PRORP: variants seen among roughly 807,000 people sequenced by gnomAD.
PRORP encodes the protein mitochondrial ribonuclease P catalytic subunit.
Under a neutral mutation model 59.4 loss-of-function variants are expected in PRORP, and 51 were observed. The ratio of observed to expected loss-of-function variants is 0.86; its 90% CI spans 0.69 to 1.08. PRORP has a LOEUF of 1.08. Among genes scored for constraint, PRORP ranks in the 50% least tolerant of loss-of-function variants. PRORP has a pLI of 0.00. For missense variants in PRORP, 646 were observed against 690.3 expected, an observed-to-expected ratio of 0.94 and a Z score of 0.72; for synonymous variants, 231 against 245.6, an observed-to-expected ratio of 0.94 and a Z score of 0.55.
intron 5 of PRORP, chr14:35,235,197 C>A: frequency 1.4e-6 from 1 of 692,540 alleles, no homozygotes; most frequent in Non-Finnish European, 2.6e-6. Context: ...GTGGAAAGTT[C>A]TTTAGCCTTT....
chr14:35,219,554 C>G (rs1190870361), intron 5 of PRORP, among the ~76,000 whole-genome samples: 1 of 152,186 alleles, frequency 6.6e-6, no homozygotes, highest in Admixed American at 6.5e-5. Flanking sequence ...CATACCTTGC[C>G]CCTTACCTGC....
intron 5 of PRORP, among the ~76,000 whole-genome samples, chr14:35,211,769 C>T (rs1325499105): frequency 6.6e-6 from 1 of 152,120 alleles, no homozygotes; most frequent in East Asian, 1.9e-4. Flanking sequence ...TTGATGGCTG[C>T]TGATAGGGTG....
At chr14:35,179,507 C>A (rs1595251742) in intron 4 of PRORP, among the ~76,000 whole-genome samples, 1 of 152,278 alleles carries the variant, frequency 6.6e-6, no homozygotes, top group Non-Finnish European at 1.5e-5. Context: ...ATCACTGATA[C>A]CCTTTCTTCC....
chr14:35,271,993 T>C (rs191702046), intron 7 of PRORP, among the ~76,000 whole-genome samples: 9 of 150,810 alleles, frequency 6.0e-5, no homozygotes, highest in Middle Eastern at 3.4e-3. Flanking sequence ...GCCACTGCTA[T>C]CCAGCCTGGG....
At chr14:35,158,270 A>C (rs2047968754) in intron 4 of PRORP, 1 of 240,728 alleles carries the variant, frequency 4.2e-6, no homozygotes, top group African/African-American at 2.3e-5. Flanking sequence ...TTCTCCTTTC[A>C]TAGTGGGCAT....
rs8009666 is a variant in PRORP, at chr14:35,274,390, C to T, written c.*824C>T. 21,811 of 150,766 alleles carry T rather than the reference C, an allele frequency of 0.14. 2,956 individuals are homozygous for T. The highest frequency in any genetic ancestry group is 0.35 in the African/African-American group (14,242 of 40,852). 9.3% of individuals were successfully genotyped at this position (150,766 alleles called of 1,614,324 possible). Reference sequence around the variant, plus strand: ...CTAGTCTCCAACCCCTGGCCTCAGTCGATCCCCAGCAATTTGGGAGATTGA... The same window carrying T: ...CTAGTCTCCAACCCCTGGCCTCAGTTGATCCCCAGCAATTTGGGAGATTGA... On this transcript the variant is annotated 3_prime_UTR_variant, in exon 8 of 8. Transcript: ENST00000534898.
At chr14:35,189,944 A>C (rs140775079) in intron 5 of PRORP, among the ~76,000 whole-genome samples, 64 of 151,508 alleles carry the variant, frequency 4.2e-4, no homozygotes, top group African/African-American at 1.4e-3. Flanking sequence ...CCCTGTCTCT[A>C]CTAAAAATAC....
At chr14:35,252,559 A>G (rs2050641298) in intron 5 of PRORP, among the ~76,000 whole-genome samples, 1 of 152,182 alleles carries the variant, frequency 6.6e-6, no homozygotes, top group South Asian at 2.1e-4. Context: ...CACTGGGCCA[A>G]CTGCTGCTGC....
chr14:35,129,042 C>CAG (rs1313511189), intron 4 of PRORP, among the ~76,000 whole-genome samples: 198 of 116,706 alleles, frequency 1.7e-3, no homozygotes, highest in African/African-American at 5.9e-3. Flanking sequence ...ACTAAAAATA[C>CAG]AAAAAAAAAA....
intron 5 of PRORP, among the ~76,000 whole-genome samples, chr14:35,188,375 G>T (rs2048795711): frequency 6.6e-6 from 1 of 151,052 alleles, no homozygotes; most frequent in African/African-American, 2.4e-5. Flanking sequence ...ATTTTTGGTA[G>T]AGATGGGGTT....
Position 35,135,635 on chromosome 14 carries a change from A to C in PRORP, c.1167+8024A>C, listed in dbSNP as rs187167379. Among the ~76,000 whole-genome samples, 290 of 152,256 alleles carry C rather than the reference A, an allele frequency of 1.9e-3. 1 individual carries two copies. Among genetic ancestry groups the C allele is most frequent in the Middle Eastern group, 0.01 (3 of 294 alleles). On this transcript the variant is annotated intron_variant, in intron 4 of 7. Coordinates refer to ENST00000534898, the MANE Select transcript of PRORP (RefSeq NM_014672.4). Reference sequence around the variant, plus strand: ...GATAATGAGCAGCTATTATTAAGAAACATTGTCATAGGTTCTGGGGAGCCA... The same window carrying C: ...GATAATGAGCAGCTATTATTAAGAACCATTGTCATAGGTTCTGGGGAGCCA...
At chr14:35,158,340 A>G in intron 4 of PRORP, 1 of 293,784 alleles carries the variant, frequency 3.4e-6, no homozygotes, top group South Asian at 5.6e-5. Context: ...GAATTGTAAA[A>G]ACAATGTTCA....
intron 5 of PRORP, among the ~76,000 whole-genome samples, chr14:35,246,348 T>A (rs1449103678): frequency 6.6e-6 from 1 of 152,186 alleles, no homozygotes; most frequent in East Asian, 1.9e-4. Context: ...GACTTCTATC[T>A]CCTACCCCAG....
chr14:35,208,305 G>A (rs2049347345), intron 5 of PRORP, among the ~76,000 whole-genome samples: 1 of 152,136 alleles, frequency 6.6e-6, no homozygotes, highest in Non-Finnish European at 1.5e-5. Context: ...GCTGGGCATA[G>A]TGGTGAGCGC....
chr14:35,262,817 A>G, intron 5 of PRORP: 2 of 1,445,794 alleles, frequency 1.4e-6, no homozygotes, highest in Non-Finnish European at 1.9e-6. Context: ...TCTTGGGTGA[A>G]AAATACATCC....
chr14:35,234,464 A>T (rs552980399), intron 5 of PRORP, among the ~76,000 whole-genome samples: 1 of 152,254 alleles, frequency 6.6e-6, no homozygotes, highest in Non-Finnish European at 1.5e-5. Context: ...CAGCCTCTTA[A>T]AACCATCTCT....
At chr14:35,268,593 C>T (rs1207932190) in intron 6 of PRORP, among the ~76,000 whole-genome samples, 1 of 152,002 alleles carries the variant, frequency 6.6e-6, no homozygotes, top group African/African-American at 2.4e-5. Context: ...TGTCAGTATT[C>T]TCCAAATCAT....
At chr14:35,235,258 G>T in intron 5 of PRORP, 1 of 706,806 alleles carries the variant, frequency 1.4e-6, no homozygotes, top group Non-Finnish European at 2.6e-6. Context: ...CCAGGACATT[G>T]CCTCCCTAGT....
chr14:35,165,055 C>G (rs1320019940), intron 4 of PRORP, among the ~76,000 whole-genome samples: 1 of 152,162 alleles, frequency 6.6e-6, no homozygotes, highest in Non-Finnish European at 1.5e-5. Context: ...TAAAATGTAC[C>G]GTATAGGAAG....
Sources: gnomAD v4.1 joint callset for allele counts (sites outside exome capture counted in the v4.1 genomes callset) on GRCh38, gnomAD v4.1.1 for gene constraint, MANE v1.5 for transcripts, NCBI Gene and HGNC (gene_info 2026-07-23, HGNC 2026-07-21) for gene names.